DBH: variants seen among roughly 807,000 people sequenced by gnomAD.
DBH encodes the protein dopamine beta-hydroxylase, also known as dopamine beta-hydroxylase (dopamine beta-monooxygenase).
Under a neutral mutation model 64.0 loss-of-function variants are expected in DBH, and 49 were observed. That is an observed-to-expected ratio of 0.77 (90% CI 0.61 to 0.97). The LOEUF (loss-of-function observed/expected upper bound fraction) is 0.97. Among genes scored for constraint, DBH ranks in the 50% least tolerant of loss-of-function variants. DBH has a pLI of 0.00. For synonymous variants in DBH, 343 were observed against 347.1 expected, an observed-to-expected ratio of 0.99 and a Z score of 0.13; for missense variants, 828 against 826.6, an observed-to-expected ratio of 1.00 and a Z score of -0.02.
chr9:133,656,834 C>T (rs985234737), intron 10 of DBH, among the ~76,000 whole-genome samples, 184 bp downstream of exon 10: 3 of 152,218 alleles, frequency 2.0e-5, no homozygotes, highest in Non-Finnish European at 4.4e-5. Flanking sequence ...TTCAGAGCCT[C>T]CTCAACCCAG....
At chr9:133,649,828 G>C (rs549779055) in intron 6 of DBH, among the ~76,000 whole-genome samples, 1 of 152,218 alleles carries the variant, frequency 6.6e-6, no homozygotes, top group African/African-American at 2.4e-5. Flanking sequence ...CCCGCTGACC[G>C]CTGACTGTGA....
intron 6 of DBH, 42 bp downstream of exon 6, chr9:133,648,054 G>A (rs751568424): frequency 4.7e-5 from 75 of 1,582,136 alleles, no homozygotes; most frequent in African/African-American, 1.1e-4. Flanking sequence ...CCCTCCTCCC[G>A]CGTCCCTCAG....
intron 4 of DBH, 81 bp from the exon 5 acceptor site, chr9:133,644,137 A>G (rs1832153974): frequency 9.6e-7 from 1 of 1,039,836 alleles, no homozygotes; most frequent in African/African-American, 1.6e-5. Flanking sequence ...TCAGGCCCCA[A>G]CAGTTGACTG....
At position 133,643,444 on chromosome 9, in the gene DBH, C is replaced by T. The variant is rs201600007; in HGVS notation, c.776C>T (p.Ala259Val). Residue 259 changes from alanine (A) to valine (V), a missense_variant, in exon 4 of 12, where the codon GCC (alanine) becomes GTC (valine). Ala to Val is a moderately conservative substitution (Grantham distance 64, BLOSUM62 0). Transcript: ENST00000393056. The surrounding 1 kb of genome is among the most constrained non-coding windows in gnomAD (Gnocchi z 5.3). The part of the protein sequence containing the change: ...YEPIVTKGNE[A>V]LVHHMEVFQC... ...CCCATCGTCACCAAGGGCAATGAGG[C>T]CCTTGTCCACCACATGGAAGTCTTC... 1.1e-5 allele frequency: 17 copies of T among 1,613,948 alleles called. No individual in the cohort carries two copies. The East Asian group carries it at 3.6e-4, about 34-fold the overall frequency.
chr9:133,658,208 G>T, intron 11 of DBH, 108 bp from the exon 12 acceptor site: 2 of 1,460,370 alleles, frequency 1.4e-6, no homozygotes, highest in Non-Finnish European at 1.9e-6. Flanking sequence ...TTTGAGACAA[G>T]CTGAGTTTGA....
In DBH at chr9:133,658,676, A is replaced by T; in HGVS notation, c.*229A>T. 1 of 448,886 alleles carries T rather than the reference A, an allele frequency of 2.2e-6. No homozygotes were observed. Among genetic ancestry groups the T allele is most frequent in the South Asian group, 5.3e-5 (1 of 19,002 alleles). The allele number at this position is 448,886 out of a possible 1,614,324, so 27.8% of individuals were successfully genotyped here. Reference sequence around the variant, plus strand: ...TGTTGACCTACCCTGGACCGAGTGGACCACGACCTCGTCCATTTAAACCCG... The same window carrying T: ...TGTTGACCTACCCTGGACCGAGTGGTCCACGACCTCGTCCATTTAAACCCG... On this transcript the variant is annotated 3_prime_UTR_variant, in exon 12 of 12. Coordinates refer to ENST00000393056, the MANE Select transcript of DBH (RefSeq NM_000787.4).
At chr9:133,657,284 C>T in intron 11 of DBH, 55 bp downstream of exon 11, 1 of 1,606,358 alleles carries the variant, frequency 6.2e-7, no homozygotes, top group African/African-American at 1.3e-5. Context: ...TCATGGGGGG[C>T]CCCAGTGAGG....
intron 7 of DBH, 145 bp from the exon 8 acceptor site, chr9:133,652,101 G>C: frequency 1.1e-6 from 1 of 878,576 alleles, no homozygotes. Context: ...ACACTTAGCG[G>C]GCTCTGGCTT....
chr9:133,646,526 C>T (rs937186634), intron 5 of DBH, among the ~76,000 whole-genome samples: 10 of 152,136 alleles, frequency 6.6e-5, no homozygotes, highest in African/African-American at 2.2e-4. Context: ...ATCCCTGAAC[C>T]TCTGTTTTTT....
At chr9:133,649,932 G>C (rs1056189982) in intron 6 of DBH, among the ~76,000 whole-genome samples, 1 of 152,226 alleles carries the variant, frequency 6.6e-6, no homozygotes, top group African/African-American at 2.4e-5. Context: ...GTTCAGTCTT[G>C]TCTCTCCTTT....
chr9:133,646,339 G>A (rs1031071176), intron 5 of DBH, among the ~76,000 whole-genome samples: 3 of 150,546 alleles, frequency 2.0e-5, no homozygotes, highest in South Asian at 2.1e-4. Context: ...TGTCCGCCAT[G>A]TCCACCATGT....
intron 10 of DBH, 83 bp downstream of exon 10, chr9:133,656,733 G>A: frequency 6.5e-7 from 1 of 1,544,462 alleles, no homozygotes; most frequent in Non-Finnish European, 8.8e-7. Flanking sequence ...GGGCAGATTG[G>A]AGGAGTCCAG....
chr9:133,640,977 T>C (rs1257139785), intron 2 of DBH, among the ~76,000 whole-genome samples: 3 of 152,094 alleles, frequency 2.0e-5, no homozygotes, highest in Non-Finnish European at 4.4e-5. Context: ...TTCCTGGCCC[T>C]AGGGTGATTT....
chr9:133,652,195 G>A (rs1489312597), intron 7 of DBH, 51 bp from the exon 8 acceptor site: 7 of 1,610,094 alleles, frequency 4.3e-6, no homozygotes, highest in Admixed American at 3.3e-5. Flanking sequence ...GGTCTGGTCT[G>A]CAGCTCTCTG....
At chr9:133,649,208 AG>A (rs1399558202) in intron 6 of DBH, among the ~76,000 whole-genome samples, 1 of 152,068 alleles carries the variant, frequency 6.6e-6, no homozygotes, top group Non-Finnish European at 1.5e-5. Flanking sequence ...TTTTTCCAGT[AG>A]GTGGTTTGTT....
At chr9:133,650,451 TTTCCTTTC>T (rs1275657556) in intron 6 of DBH, among the ~76,000 whole-genome samples, 68 of 149,712 alleles carry the variant, frequency 4.5e-4, no homozygotes, top group South Asian at 8.4e-4. Flanking sequence ...CCTTCTTTTC[TTTCCTTTC>T]TTTTCTTTTT....
At chr9:133,657,464 G>GGGAGAGA in intron 11 of DBH, among the ~76,000 whole-genome samples, 1 of 137,090 alleles carries the variant, frequency 7.3e-6, no homozygotes, top group African/African-American at 3.1e-5. Flanking sequence ...GAGAGGGAGA[G>GGGAGAGA]GGAGAGAGGG....
At position 133,643,508 on chromosome 9, in the gene DBH, C is replaced by T. The variant is rs894934479; in HGVS notation, c.840C>T (p.Ser280=). Residue 280 remains serine (S), a synonymous_variant, in exon 4 of 12, where the codon AGC becomes AGT. Transcript: ENST00000393056. This position sits in a 1 kb window ranked among gnomAD's most constrained non-coding sequence, Gnocchi z 5.3. ...AGATGGACAGCGTCCCCCACTTCAG[C>T]GGGCCCTGCGACTCCAAGATGAAAC... ...APEMDSVPHF[S]GPCDSKMKPD... 7.4e-6 allele frequency: 12 copies of T among 1,613,668 alleles called. No individual in the cohort carries two copies. Among genetic ancestry groups the T allele is most frequent in the African/African-American group, 1.3e-5 (1 of 74,870 alleles).
chr9:133,657,361 G>C lies in DBH; in HGVS notation c.1722+132G>C, dbSNP rs541943942. 283 of 1,097,320 alleles carry C rather than the reference G, an allele frequency of 2.6e-4. No homozygotes were observed. In the African/African-American group the frequency reaches 4.1e-3, roughly 16 times the overall value. 68.0% of individuals were successfully genotyped at this position (1,097,320 alleles called of 1,614,324 possible). ...CACAAGACAATGAGAGCAAGTGCCAGGTGGTGACACATAGGCCTAGACAGC... is the reference window on the plus strand; with the variant it reads ...CACAAGACAATGAGAGCAAGTGCCACGTGGTGACACATAGGCCTAGACAGC... On this transcript the variant is annotated intron_variant, in intron 11 of 11. Coordinates refer to ENST00000393056, the MANE Select transcript of DBH (RefSeq NM_000787.4).
Sources: allele counts gnomAD v4.1 joint callset (sites outside exome capture counted in the v4.1 genomes callset), GRCh38; gene constraint gnomAD v4.1.1; non-coding constraint Gnocchi (gnomAD v3.1); transcripts MANE v1.5; gene names NCBI Gene and HGNC (gene_info 2026-07-23, HGNC 2026-07-21).